NRG1: variants seen among roughly 807,000 people sequenced by gnomAD.
NRG1 encodes the protein pro-neuregulin-1, membrane-bound isoform.
Under a neutral mutation model 63.8 loss-of-function variants are expected in NRG1, and 18 were observed. The ratio of observed to expected loss-of-function variants is 0.28; its 90% CI spans 0.19 to 0.42. The LOEUF is 0.42. NRG1 is among the 10% of genes least tolerant of loss of function. NRG1 has a pLI of 1.00. For synonymous variants in NRG1, 302 were observed against 301.3 expected (o/e 1.00, Z -0.02); for missense variants, 762 against 814.7 (o/e 0.94, Z 0.79).
At chr8:31,680,068 A>C (rs979949258) in intron 1 of NRG1, among the ~76,000 whole-genome samples, 1 of 152,136 alleles carries the variant, frequency 6.6e-6, no homozygotes, top group Non-Finnish European at 1.5e-5. Context: ...TGGTAAAATA[A>C]ATCATAGTTC....
intron 1 of NRG1, among the ~76,000 whole-genome samples, chr8:32,535,346 T>G (rs1481275497): frequency 6.6e-6 from 1 of 152,096 alleles, no homozygotes; most frequent in African/African-American, 2.4e-5. Flanking sequence ...CGAGTTAAAT[T>G]GTTATTACTG....
chr8:32,537,195 CAAAAAAA>C (rs71208193), intron 1 of NRG1, among the ~76,000 whole-genome samples: 8 of 43,818 alleles, frequency 1.8e-4, no homozygotes, highest in East Asian at 1.5e-3. Flanking sequence ...GACTCCATCT[CAAAAAAA>C]AAAAAAAAAA....
At chr8:31,889,569 TTG>T (rs1352880520) in intron 1 of NRG1, among the ~76,000 whole-genome samples, 2 of 152,124 alleles carry the variant, frequency 1.3e-5, no homozygotes, top group African/African-American at 4.8e-5. Context: ...TGTGTTCTGG[TTG>T]GCAGATACAG....
chr8:32,737,794 A>G (rs1825459953), intron 6 of NRG1, among the ~76,000 whole-genome samples: 1 of 149,254 alleles, frequency 6.7e-6, no homozygotes, highest in Non-Finnish European at 1.5e-5. Flanking sequence ...CTCCTGCCTC[A>G]GCCTCCCAAG....
intron 1 of NRG1, among the ~76,000 whole-genome samples, chr8:32,504,752 G>A (rs976174225): frequency 6.6e-6 from 1 of 152,070 alleles, no homozygotes; most frequent in Non-Finnish European, 1.5e-5. Flanking sequence ...TCTGGCAGAT[G>A]GAACAAGAGG....
intron 1 of NRG1, among the ~76,000 whole-genome samples, chr8:31,699,023 T>A (rs1177997325): frequency 6.6e-6 from 1 of 152,190 alleles, no homozygotes; most frequent in Non-Finnish European, 1.5e-5. Context: ...CCCACTGACT[T>A]CCGTCATTGT....
intron 1 of NRG1, among the ~76,000 whole-genome samples, chr8:31,914,843 C>T (rs1444731292): frequency 6.6e-6 from 1 of 151,542 alleles, no homozygotes; most frequent in Non-Finnish European, 1.5e-5. Context: ...TTAACTGAAA[C>T]CTGGAAGAAT....
chr8:31,947,944 CAAAAAAAAAAAAAAAA>C (rs55953491), intron 1 of NRG1, among the ~76,000 whole-genome samples: 6 of 32,958 alleles, frequency 1.8e-4, no homozygotes, highest in Admixed American at 1.8e-3. Flanking sequence ...GACTCCATCT[CAAAAAAAAAAAAAAAA>C]AAAAAAAAAA....
chr8:31,848,687 C>T (rs1431949607), intron 1 of NRG1, among the ~76,000 whole-genome samples: 1 of 152,140 alleles, frequency 6.6e-6, no homozygotes, highest in Non-Finnish European at 1.5e-5. Flanking sequence ...GAAGCATGAA[C>T]CCTATTATGA....
At chr8:32,207,652 G>T (rs1844213673) in intron 1 of NRG1, among the ~76,000 whole-genome samples, 1 of 152,168 alleles carries the variant, frequency 6.6e-6, no homozygotes, top group South Asian at 2.1e-4. Flanking sequence ...GAGCCTTCCT[G>T]TAGTACCAGT....
intron 1 of NRG1, among the ~76,000 whole-genome samples, chr8:32,403,147 A>G (rs560783995): frequency 1.3e-5 from 2 of 152,056 alleles, no homozygotes; most frequent in Admixed American, 1.3e-4. Flanking sequence ...AAAAATATAA[A>G]AATTAGCCAG....
At chr8:32,247,610 G>C (rs562055453) in intron 1 of NRG1, among the ~76,000 whole-genome samples, 1 of 152,156 alleles carries the variant, frequency 6.6e-6, no homozygotes, top group South Asian at 2.1e-4. Flanking sequence ...AGGAGATTGG[G>C]ACACTTTACT....
chr8:32,338,150 T>C (rs1389550720), intron 1 of NRG1, among the ~76,000 whole-genome samples: 1 of 152,148 alleles, frequency 6.6e-6, no homozygotes, highest in Non-Finnish European at 1.5e-5. Flanking sequence ...TTCACATGAG[T>C]TACCATGAAG....
chr8:32,145,839 G>C (rs540757039), intron 1 of NRG1, among the ~76,000 whole-genome samples: 15 of 152,158 alleles, frequency 9.9e-5, no homozygotes, highest in African/African-American at 3.6e-4. Context: ...CTACTTCTCT[G>C]CAGGCTTTGG....
chr8:32,222,497 A>G lies in NRG1; in HGVS notation c.38-373331A>G, dbSNP rs566104691. Among the ~76,000 whole-genome samples the G allele has an allele frequency of 2.0e-5, 3 of 152,204 alleles. No homozygotes were observed. The East Asian group carries it at 5.8e-4, about 29-fold the overall frequency. ...AGAAACAGAAAGAAAGAAAGAAAAA[A>G]AGAAAGAAACATAAAGAAATCTTGA... On this transcript the variant is annotated intron_variant, in intron 1 of 10. Transcript: ENST00000519301.
At chr8:32,419,909 C>T (rs1229417752) in intron 1 of NRG1, among the ~76,000 whole-genome samples, 5 of 152,150 alleles carry the variant, frequency 3.3e-5, no homozygotes, top group Non-Finnish European at 7.3e-5. Flanking sequence ...ATTGTCCCTT[C>T]ACACCCTGTT....
chr8:31,959,918 C>T (rs1412286306), intron 1 of NRG1, among the ~76,000 whole-genome samples: 1 of 151,750 alleles, frequency 6.6e-6, no homozygotes, highest in Non-Finnish European at 1.5e-5. Context: ...CTCAGCCTCC[C>T]AAAATGCTGA....
At chr8:32,458,425 A>C (rs1821885802) in intron 1 of NRG1, among the ~76,000 whole-genome samples, 1 of 152,182 alleles carries the variant, frequency 6.6e-6, no homozygotes, top group African/African-American at 2.4e-5. Context: ...CAAAGCATGG[A>C]TCAAAGAGCT....
chr8:31,965,136 G>GTATA (rs780848057), intron 1 of NRG1, among the ~76,000 whole-genome samples: 4 of 151,120 alleles, frequency 2.6e-5, no homozygotes, highest in Admixed American at 6.6e-5. Context: ...GTATTCCATG[G>GTATA]CATATATATA....
Sources: allele counts gnomAD v4.1 joint callset (sites outside exome capture counted in the v4.1 genomes callset), GRCh38; gene constraint gnomAD v4.1.1; transcripts MANE v1.5; gene names NCBI Gene and HGNC (gene_info 2026-07-23, HGNC 2026-07-21).